The following FEZF1 variants were observed in gnomAD, a reference collection of about 807,000 sequenced individuals.
FEZF1 encodes fez family zinc finger protein 1.
A neutral mutation model predicts 32.4 loss-of-function variants in FEZF1; 8 were observed. That is an observed-to-expected ratio of 0.25 (90% CI 0.15 to 0.45). FEZF1 has a LOEUF of 0.45. Ranked by LOEUF, FEZF1 falls within the 20% of genes least tolerant of loss-of-function variation. The pLI, the probability that FEZF1 is intolerant of heterozygous loss-of-function variation, is 1.00. For synonymous variants in FEZF1, 259 were observed against 265.2 expected (o/e 0.98, Z 0.23); for missense variants, 546 against 622.3 (o/e 0.88, Z 1.31).
rs1358599346 is a variant in FEZF1, at chr7:122,301,994, C to G, written c.*3G>C. On this transcript the variant is annotated 3_prime_UTR_variant, in exon 4 of 4. Transcript: ENST00000442488. ...CTGAGGCTGGGAGGACCCTTAGCCT[C>G]GATCACTGGTGGCCCTGGTGGAGCC... is the stretch of plus-strand genomic sequence containing the variant. 8 of 1,583,372 alleles carry G rather than the reference C, an allele frequency of 5.1e-6. No homozygotes were observed. The highest frequency in any genetic ancestry group is 6.0e-6 in the Non-Finnish European group (7 of 1,174,786).
At chr7:122,308,100 G>A (rs951845858), upstream of FEZF1, among the ~76,000 whole-genome samples, 3 of 152,116 alleles carry the variant, frequency 2.0e-5, no homozygotes, top group African/African-American at 4.8e-5. Flanking sequence ...TGTTTGTTTT[G>A]TTAATGGCAA....
upstream of FEZF1, chr7:122,305,844 A>G (rs903490063): frequency 6.6e-6 from 1 of 152,232 alleles, no homozygotes; most frequent in Non-Finnish European, 1.5e-5. Context: ...TGCCTCCCAA[A>G]GAGCGCGCGT....
chr7:122,305,178 G>A (rs968292786), upstream of FEZF1: 1 of 152,056 alleles, frequency 6.6e-6, no homozygotes, highest in Non-Finnish European at 1.5e-5. Flanking sequence ...CCTCGGCAGT[G>A]AAATCCGAGG....
At position 122,302,443 on chromosome 7, in the gene FEZF1, C is replaced by T. The variant is rs2031077880; in HGVS notation, c.1070-88G>A. 2 of 1,559,286 alleles carry T rather than the reference C, an allele frequency of 1.3e-6. No individual in the cohort carries two copies. Among genetic ancestry groups the T allele is most frequent in the African/African-American group, 2.7e-5 (2 of 73,198 alleles). ...CAGACACGTGGAAGGTAGCGCCAGG[C>T]AAGCAGAAGAGCCGCCACAGGTCCC... On this transcript the variant is annotated intron_variant, in intron 3 of 3. Transcript: ENST00000442488. This position sits in a 1 kb window ranked among gnomAD's most constrained non-coding sequence, Gnocchi z 4.4.
rs777966600 is a variant in FEZF1, at chr7:122,304,151, C to T, written c.287G>A (p.Arg96Gln). 11 of 1,602,646 alleles carry T rather than the reference C, an allele frequency of 6.9e-6. No individual in the cohort carries two copies. Among genetic ancestry groups the T allele is most frequent in the South Asian group, 6.7e-5 (6 of 89,926 alleles). The part of the protein sequence containing the change: ...PKAGVTGSEP[R>Q]KASLEAPAAP... ...CGCCGGGGCCTCCAGACTGGCCTTCCGCGGCTCGGAGCCCGTCACTCCTGC... is the reference window on the plus strand; with the variant it reads ...CGCCGGGGCCTCCAGACTGGCCTTCTGCGGCTCGGAGCCCGTCACTCCTGC... The change falls in exon 1 of 4, where the codon CGG (arginine) becomes CAG (glutamine). Residue 96 changes from arginine (R) to glutamine (Q), a missense_variant. Transcript: ENST00000442488.
chr7:122,305,137 C>A (rs2031236070), upstream of FEZF1: 1 of 152,230 alleles, frequency 6.6e-6, no homozygotes, highest in East Asian at 1.9e-4. Flanking sequence ...ATTTATCAAA[C>A]GCCAAGCTCC....
chr7:122,302,050 G>GCGGCTGCAGAGGAGGCAGCGT lies in FEZF1; in HGVS notation c.1354_1374dup (p.Thr452_Pro458dup). 6.2e-7 allele frequency: 1 copy of GCGGCTGCAGAGGAGGCAGCGT among 1,603,590 alleles called. No individual in the cohort carries two copies. Among genetic ancestry groups the GCGGCTGCAGAGGAGGCAGCGT allele is most frequent in the Non-Finnish European group, 8.5e-7 (1 of 1,178,408 alleles). On this transcript the variant is annotated inframe_insertion, in exon 4 of 4. Transcript: ENST00000442488. The surrounding 1 kb of genome is among the most constrained non-coding windows in gnomAD (Gnocchi z 4.4). ...TGCAGGGGCCCCGGGGTTGGCAGCG[G>GCGGCTGCAGAGGAGGCAGCGT]CGGCTGCAGAGGAGGCAGCGTCATC...
chr7:122,302,313 T>G lies in FEZF1; in HGVS notation c.1112A>C (p.Gln371Pro). The change falls in exon 4 of 4, where the codon CAG becomes CCG. Residue 371 changes from glutamine (Q) to proline (P), a missense_variant. This residue lies in a region of FEZF1 where 118 missense variants were observed against 188.7 expected (regional missense o/e 0.63). Coordinates refer to ENST00000442488, the MANE Select transcript of FEZF1 (RefSeq NM_001024613.4). This position sits in a 1 kb window ranked among gnomAD's most constrained non-coding sequence, Gnocchi z 4.4. ...CTTGTTGCAGATATTGCACTTGAAC[T>G]GCTTCTCCCCGCTGTGGGTCAACTT... ...NHKLTHSGEK[Q>P]FKCNICNKAF... The G allele has an allele frequency of 6.2e-7, 1 of 1,614,122 alleles. No individual in the cohort carries two copies. The highest frequency in any genetic ancestry group is 8.5e-7 in the Non-Finnish European group (1 of 1,180,024).
chr7:122,304,293 G>C lies in FEZF1; in HGVS notation c.145C>G (p.Pro49Ala). The C allele has an allele frequency of 6.2e-7, 1 of 1,612,728 alleles. No homozygotes were observed. The highest frequency in any genetic ancestry group is 8.5e-7 in the Non-Finnish European group (1 of 1,179,216). ...RTPEPKALPV[P>A]HFLQGALPKG... is the part of the protein sequence containing the mutation. ...GGTAAGGCTCCCTGCAGGAAGTGGG[G>C]GACTGGCAGGGCCTTGGGCTCTGGG... Residue 49 changes from proline to alanine, a missense_variant, in exon 1 of 4, where the codon CCC (proline) becomes GCC (alanine). Physicochemically the swap from Pro to Ala is conservative, Grantham distance 27 (BLOSUM62 -1). Around this residue, in one of 3 missense-constraint regions of FEZF1, gnomAD observed 345 missense variants for 360.6 expected, o/e 0.96. Transcript: ENST00000442488.
rs374456539 is a variant in FEZF1 at position 122,304,394 on chromosome 7, G to C, written c.44C>G (p.Thr15Ser). ...CHNATTKMLA[T>S]APARGNMMST... Reference sequence around the variant, plus strand: ...CATCATGTTGCCCCGAGCTGGAGCAGTCGCTAACATTTTGGTAGTCGCGTT... The same window carrying C: ...CATCATGTTGCCCCGAGCTGGAGCACTCGCTAACATTTTGGTAGTCGCGTT... Residue 15 changes from threonine to serine, a missense_variant, in exon 1 of 4, where the codon ACT (threonine) becomes AGT (serine). Coordinates refer to ENST00000442488, the MANE Select transcript of FEZF1 (RefSeq NM_001024613.4). 6.3e-7 allele frequency: 1 copy of C among 1,586,688 alleles called. No individual in the cohort carries two copies. The highest frequency in any genetic ancestry group is 1.4e-5 in the African/African-American group (1 of 74,008).
chr7:122,304,000 C>T lies in FEZF1; in HGVS notation c.438G>A (p.Pro146=), dbSNP rs374950795. 9.7e-5 allele frequency: 153 copies of T among 1,572,564 alleles called. No individual in the cohort carries two copies. Among genetic ancestry groups the T allele is most frequent in the Non-Finnish European group, 1.3e-4 (149 of 1,159,410 alleles). The change falls in exon 1 of 4, where the codon CCG becomes CCA. Residue 146 remains proline, a synonymous_variant. Transcript: ENST00000442488. ...LPLQQYKLVR[P]RVVNHSSFHA... is the part of the protein sequence containing the mutation. ...GGAATGAAGAGTGGTTGACCACACG[C>T]GGCCTTACCAGCTTGTACTGCTGCA...
chr7:122,302,828 T>A lies in FEZF1; in HGVS notation c.1040A>T (p.Glu347Val). The A allele has an allele frequency of 1.2e-6, 2 of 1,614,052 alleles. No homozygotes were observed. The highest frequency in any genetic ancestry group is 1.7e-6 in the Non-Finnish European group (2 of 1,179,982). Residue 347 changes from glutamate (E) to valine (V), a missense_variant, in exon 3 of 4, where the codon GAA becomes GTA. Glu to Val is a moderately radical substitution (Grantham distance 121). Transcript: ENST00000442488. This position sits in a 1 kb window ranked among gnomAD's most constrained non-coding sequence, Gnocchi z 4.4. ...IHAGYKPFVCEFCGKGFHQKG... is the reference protein window; with the variant it reads ...IHAGYKPFVCVFCGKGFHQKG... ...TTGATGAAACCCTTTGCCACAGAAT[T>A]CACACACAAACGGTTTGTAGCCCGC...
Position 122,302,477 on chromosome 7 carries a change from T to A in FEZF1, c.1070-122A>T. ...GAGCCGCCACAGGTCCCACAACAAG[T>A]GCAGGGCTACTATCTGTGCCTGCAC... On this transcript the variant is annotated intron_variant, in intron 3 of 3. Transcript: ENST00000442488. The surrounding 1 kb of genome is among the most constrained non-coding windows in gnomAD (Gnocchi z 4.4). 6.9e-7 allele frequency: 1 copy of A among 1,440,580 alleles called. No homozygotes were observed. Among genetic ancestry groups the A allele is most frequent in the Non-Finnish European group, 9.4e-7 (1 of 1,067,172 alleles). The allele number at this position is 1,440,580 out of a possible 1,614,324, so 89.2% of individuals were successfully genotyped here. A position where few individuals can be genotyped will look rare whatever the true frequency, so the allele number is the denominator to read the frequency against.
upstream of FEZF1, chr7:122,308,625 G>T (rs1371530396): frequency 6.6e-6 from 1 of 152,098 alleles, no homozygotes; most frequent in Non-Finnish European, 1.5e-5. Context: ...TCCTTGATAT[G>T]TCACAAAATA....
In FEZF1 at chr7:122,303,707, T is replaced by C; in HGVS notation, c.731A>G (p.Lys244Arg). ...AQLLSEKIAF[K>R]TSDFSRGSPN... ...AGAGCCTCGGCTGAAATCCGAGGTT[T>C]TGAACGCGATTTTTTCCGACAGAAG... is the stretch of plus-strand genomic sequence containing the variant. Residue 244 changes from lysine (K) to arginine (R), a missense_variant, in exon 1 of 4, where the codon AAA becomes AGA. Coordinates refer to ENST00000442488, the MANE Select transcript of FEZF1 (RefSeq NM_001024613.4). 1 of 1,614,222 alleles carries C rather than the reference T, an allele frequency of 6.2e-7. No homozygotes were observed. Among genetic ancestry groups the C allele is most frequent in the South Asian group, 1.1e-5 (1 of 91,090 alleles).
chr7:122,302,090 T>A lies in FEZF1; in HGVS notation c.1335A>T (p.Leu445=), dbSNP rs1218475976. The A allele has an allele frequency of 6.2e-7, 1 of 1,609,418 alleles. No individual in the cohort carries two copies. Among genetic ancestry groups the A allele is most frequent in the Non-Finnish European group, 8.5e-7 (1 of 1,178,984 alleles). ...GCAGCGTCATCGGCGGCTGCTGCGG[T>A]AGCGGGGGCGGCGGTTCAGTGCCTG... ...GEPGTEPPPP[L]PQQPPMTLPP... is the part of the protein sequence containing the mutation. Residue 445 remains leucine, a synonymous_variant, in exon 4 of 4, where the codon CTA becomes CTT. Coordinates refer to ENST00000442488, the MANE Select transcript of FEZF1 (RefSeq NM_001024613.4). The surrounding 1 kb of genome is among the most constrained non-coding windows in gnomAD (Gnocchi z 4.4).
rs961686907 is a variant in FEZF1, at chr7:122,302,587, A to G, written c.1069+212T>C. 2.0e-5 allele frequency among the ~76,000 whole-genome samples: 3 copies of G among 152,274 alleles called. No individual in the cohort carries two copies. Among genetic ancestry groups the G allele is most frequent in the African/African-American group, 7.2e-5 (3 of 41,546 alleles). On this transcript the variant is annotated intron_variant, in intron 3 of 3. Transcript: ENST00000442488. The surrounding 1 kb of genome is among the most constrained non-coding windows in gnomAD (Gnocchi z 4.4). Reference sequence around the variant, plus strand: ...TTAATACACATTTATCAGTCCAATTACATACAATGAGAGCATGCAGTTAAA... The same window carrying G: ...TTAATACACATTTATCAGTCCAATTGCATACAATGAGAGCATGCAGTTAAA...
chr7:122,303,869 A>G lies in FEZF1; in HGVS notation c.569T>C (p.Leu190Ser). ...TAAATACGTTTTTGGCTGCGGGTGC[A>G]AAGGGGAACTGAGGAAGTAGGAGGC... ...PVASYFLSSP[L>S]HPQPKTYLAE... The change falls in exon 1 of 4, where the codon TTG (leucine) becomes TCG (serine). Residue 190 changes from leucine to serine, a missense_variant. Coordinates refer to ENST00000442488, the MANE Select transcript of FEZF1 (RefSeq NM_001024613.4). 1 of 1,614,164 alleles carries G rather than the reference A, an allele frequency of 6.2e-7. No homozygotes were observed.
chr7:122,305,047 C>G (rs1001821028), upstream of FEZF1: 1 of 151,920 alleles, frequency 6.6e-6, no homozygotes, highest in African/African-American at 2.4e-5. Context: ...TCGTTTAGCT[C>G]TAAGTGACAT....
Sources: gnomAD v4.1 joint callset for allele counts (sites outside exome capture counted in the v4.1 genomes callset) on GRCh38, gnomAD v4.1.1 for gene constraint, gnomAD v4.1.1 regional missense constraint, Gnocchi (gnomAD v3.1) non-coding constraint, MANE v1.5 for transcripts, NCBI Gene and HGNC (gene_info 2026-07-23, HGNC 2026-07-21) for gene names.